Variants in NPC1 observed in about 807,000 individuals in gnomAD.
NPC1 encodes the protein NPC intracellular cholesterol transporter 1, also known as Niemann-Pick C1 protein.
A neutral mutation model predicts 140.4 loss-of-function variants in NPC1; 85 were observed. That is an observed-to-expected ratio of 0.61 (90% CI 0.51 to 0.72). The LOEUF is 0.72. Ranked by LOEUF, NPC1 falls within the 30% of genes least tolerant of loss-of-function variation. The pLI, the probability that NPC1 is intolerant of heterozygous loss-of-function variation, is 0.00. For missense variants in NPC1, 1,504 were observed against 1,623.8 expected, an observed-to-expected ratio of 0.93 and a Z score of 1.27; for synonymous variants, 656 against 624.8, an observed-to-expected ratio of 1.05 and a Z score of -0.74.
At chr18:23,516,179 C>G (rs1204961892) in intron 3 of NPC1, 3 of 1,298,610 alleles carry the variant, frequency 2.3e-6, no homozygotes, top group African/African-American at 2.9e-5. Context: ...GCTGGGCAGA[C>G]AGGCTGTGAG....
chr18:23,530,331 A>G (rs201711582), downstream of NPC1: 82 of 1,614,084 alleles, frequency 5.1e-5, no homozygotes, highest in African/African-American at 9.6e-4. Context: ...AGACTATGGA[A>G]ACTAACTCTG....
At chr18:23,562,598 C>T (rs1005198617) in intron 4 of NPC1, among the ~76,000 whole-genome samples, 26 of 152,110 alleles carry the variant, frequency 1.7e-4, no homozygotes, top group African/African-American at 6.3e-4. Context: ...ACAGATTATT[C>T]CATTGCCTTC....
intron 4 of NPC1, among the ~76,000 whole-genome samples, chr18:23,564,237 GC>G (rs1224853175): frequency 1.3e-5 from 2 of 152,090 alleles, no homozygotes; most frequent in East Asian, 3.9e-4. Context: ...ACCCGCCTTG[GC>G]CCCCCAAAGT....
intron 22 of NPC1, among the ~76,000 whole-genome samples, chr18:23,534,862 CT>C (rs2058603338): frequency 6.6e-6 from 1 of 152,206 alleles, no homozygotes; most frequent in Non-Finnish European, 1.5e-5. Flanking sequence ...GTCACAACTT[CT>C]TTTCTTGGAC....
chr18:23,531,690 C>T lies in NPC1; in HGVS notation c.*512G>A. 3 of 1,609,324 alleles carry T rather than the reference C, an allele frequency of 1.9e-6. No homozygotes were observed. Among genetic ancestry groups the T allele is most frequent in the Non-Finnish European group, 2.5e-6 (3 of 1,178,942 alleles). On this transcript the variant is annotated 3_prime_UTR_variant, in exon 25 of 25. Coordinates refer to ENST00000269228, the MANE Select transcript of NPC1 (RefSeq NM_000271.5). Reference sequence around the variant, plus strand: ...TTTTGGAGACCAAGCTCTAATGAGGCCTACAACATTCTGAAATCACTTGCT... The same window carrying T: ...TTTTGGAGACCAAGCTCTAATGAGGTCTACAACATTCTGAAATCACTTGCT...
intron 3 of NPC1, among the ~76,000 whole-genome samples, chr18:23,569,334 T>G (rs887025515): frequency 6.6e-6 from 1 of 152,148 alleles, no homozygotes; most frequent in African/African-American, 2.4e-5. Context: ...CAATTATTAT[T>G]ATTTTTTGAG....
rs1310517469 is a variant in NPC1, at chr18:23,535,546, C to A, written c.3400G>T (p.Val1134Phe). The change falls in exon 22 of 25, where the codon GTC (valine) becomes TTC (phenylalanine). Residue 1134 changes from valine to phenylalanine, a missense_variant. Val to Phe is a conservative substitution (Grantham distance 50). Coordinates refer to ENST00000269228, the MANE Select transcript of NPC1 (RefSeq NM_000271.5). ...AVIMCATIAMVLVNMFGVMWL... is the reference protein window; with the variant it reads ...AVIMCATIAMFLVNMFGVMWL... Reference sequence around the variant, plus strand: ...ATAACTCCAAACATGTTGACCAAGACCATGGCGATGGTGGCACACATGATG... The same window carrying A: ...ATAACTCCAAACATGTTGACCAAGAACATGGCGATGGTGGCACACATGATG... 1.2e-6 allele frequency: 2 copies of A among 1,614,116 alleles called. No homozygotes were observed. The highest frequency in any genetic ancestry group is 1.7e-6 in the Non-Finnish European group (2 of 1,180,010).
chr18:23,576,540 G>A (rs558330052), intron 1 of NPC1: 31 of 1,006,878 alleles, frequency 3.1e-5, no homozygotes, highest in Middle Eastern at 9.8e-4. Context: ...CATTGTGTCC[G>A]GAATTGGTGG....
Position 23,539,485 on chromosome 18 carries a change from CAG to C in NPC1, c.2796-17_2796-16del. 1 of 1,561,080 alleles carries C rather than the reference CAG, an allele frequency of 6.4e-7. No individual in the cohort carries two copies. Among genetic ancestry groups the C allele is most frequent in the Non-Finnish European group, 8.8e-7 (1 of 1,132,878 alleles). On this transcript the variant is annotated splice_polypyrimidine_tract_variant and intron_variant, in intron 18 of 24. Transcript: ENST00000269228. ...CTATTCGGGTACTAGAGAGGACAGA[CAG>C]GGTTACTGACCTGCTCCACAGGGAG...
At chr18:23,557,294 G>A (rs2058968621) in intron 6 of NPC1, 104 bp from the exon 7 acceptor site, 5 of 833,880 alleles carry the variant, frequency 6.0e-6, no homozygotes, top group Non-Finnish European at 4.0e-6. Context: ...CCTCCTCCTG[G>A]CCTCCTCCTC....
chr18:23,555,045 G>A, intron 8 of NPC1, 61 bp from the exon 9 acceptor site: 1 of 1,091,218 alleles, frequency 9.2e-7, no homozygotes, highest in Non-Finnish European at 1.4e-6. Flanking sequence ...CTCAGATCTT[G>A]ATTAATCAGC....
chr18:23,532,306 T>C, intron 24 of NPC1, 22 bp from the exon 25 acceptor site: 2 of 1,613,990 alleles, frequency 1.2e-6, no homozygotes, highest in South Asian at 1.1e-5. Flanking sequence ...AGAGACTTTT[T>C]CTTATTTCTG....
intron 22 of NPC1, 102 bp from the exon 23 acceptor site, chr18:23,534,661 G>C: frequency 2.3e-6 from 2 of 883,562 alleles, no homozygotes; most frequent in Non-Finnish European, 3.7e-6. Flanking sequence ...GGCACCCTGG[G>C]TGCTAGAGGA....
Position 23,554,759 on chromosome 18 carries a change from G to T in NPC1, c.1552C>A (p.Arg518=), listed in dbSNP as rs377515417. ...DYHTHFLYCV[R]APASLNDTSL... is the part of the protein sequence containing the mutation. Reference sequence around the variant, plus strand: ...CAATGATTGTCTCTTGCCACTTACCGTACGCAGTACAGAAAGTGCGTGTGG... The same window carrying T: ...CAATGATTGTCTCTTGCCACTTACCTTACGCAGTACAGAAAGTGCGTGTGG... Residue 518 remains arginine (R), a splice_region_variant and synonymous_variant, in exon 9 of 25, where the codon CGG becomes AGG. Transcript: ENST00000269228. 1 of 1,610,580 alleles carries T rather than the reference G, an allele frequency of 6.2e-7. No individual in the cohort carries two copies. The highest frequency in any genetic ancestry group is 2.2e-5 in the East Asian group (1 of 44,856).
chr18:23,578,523 C>T (rs1171971255), intron 1 of NPC1, among the ~76,000 whole-genome samples: 1 of 152,212 alleles, frequency 6.6e-6, no homozygotes, highest in African/African-American at 2.4e-5. Context: ...AGTGGAGAGC[C>T]AGCCTCCTGG....
chr18:23,581,228 T>C (rs1343687665), intron 1 of NPC1, among the ~76,000 whole-genome samples: 1 of 152,208 alleles, frequency 6.6e-6, no homozygotes, highest in Non-Finnish European at 1.5e-5. Context: ...GGTGACTGAA[T>C]CAGGGGTCAG....
intron 1 of NPC1, among the ~76,000 whole-genome samples, chr18:23,523,562 A>AAG (rs2058205377): frequency 6.7e-6 from 1 of 149,670 alleles, no homozygotes; most frequent in Non-Finnish European, 1.5e-5. Flanking sequence ...AAAAAAAAAA[A>AAG]AAAAAAAGAA....
At chr18:23,530,449 T>G (rs767316997), downstream of NPC1, 2 of 1,614,284 alleles carry the variant, frequency 1.2e-6, no homozygotes, top group South Asian at 2.2e-5. Flanking sequence ...AAGTGTTAGC[T>G]GCCTTAAGGT....
At chr18:23,547,535 G>C (rs1245068205) in intron 11 of NPC1, among the ~76,000 whole-genome samples, 1 of 152,136 alleles carries the variant, frequency 6.6e-6, no homozygotes, top group African/African-American at 2.4e-5. Context: ...GAGGTTAGTA[G>C]GTCAAGACCA....
Sources: gnomAD v4.1 joint callset for allele counts (sites outside exome capture counted in the v4.1 genomes callset) on GRCh38, gnomAD v4.1.1 for gene constraint, MANE v1.5 for transcripts, NCBI Gene and HGNC (gene_info 2026-07-23, HGNC 2026-07-21) for gene names.